KCNMA1: variants seen among roughly 807,000 people sequenced by gnomAD.
KCNMA1 encodes potassium calcium-activated channel subfamily M alpha 1.
Under a neutral mutation model 140.0 loss-of-function variants are expected in KCNMA1, and 29 were observed. That is an observed-to-expected ratio of 0.21 (90% CI 0.15 to 0.28). The LOEUF is 0.28. Ranked by LOEUF, KCNMA1 falls within the 10% of genes least tolerant of loss-of-function variation. The pLI is 1.00. For synonymous variants in KCNMA1, 612 were observed against 611.9 expected, an observed-to-expected ratio of 1.00 and a Z score of 0.00; for missense variants, 880 against 1,602.2, an observed-to-expected ratio of 0.55 and a Z score of 7.70.
At chr10:76,984,591 C>A (rs999817556) in intron 19 of KCNMA1, among the ~76,000 whole-genome samples, 25 of 152,148 alleles carry the variant, frequency 1.6e-4, no homozygotes, top group African/African-American at 6.0e-4. Flanking sequence ...TAAAAATGCC[C>A]CTCATTATCC....
chr10:77,413,336 G>C (rs908244437), intron 1 of KCNMA1, among the ~76,000 whole-genome samples: 3 of 151,978 alleles, frequency 2.0e-5, no homozygotes, highest in African/African-American at 7.2e-5. Context: ...CACCAGCCCC[G>C]AATGCTGGGG....
intron 18 of KCNMA1, among the ~76,000 whole-genome samples, chr10:77,004,931 T>A (rs1203853238): frequency 6.6e-6 from 1 of 152,206 alleles, no homozygotes; most frequent in Non-Finnish European, 1.5e-5. Flanking sequence ...AGTGCAACTT[T>A]GAAAATTTCA....
At chr10:77,278,553 A>G (rs150620890) in intron 2 of KCNMA1, among the ~76,000 whole-genome samples, 144 of 152,322 alleles carry the variant, frequency 9.5e-4, no homozygotes, top group Middle Eastern at 3.4e-3. Flanking sequence ...TGCATTTGGA[A>G]AAAAACAAGG....
intron 1 of KCNMA1, among the ~76,000 whole-genome samples, chr10:77,443,809 T>TG (rs879727583): frequency 2.0e-4 from 31 of 152,218 alleles, no homozygotes; most frequent in Non-Finnish European, 4.0e-4. Flanking sequence ...AAAATGAAAA[T>TG]AAAAATATCT....
At chr10:77,600,766 C>T (rs2082377744) in intron 1 of KCNMA1, among the ~76,000 whole-genome samples, 1 of 150,324 alleles carries the variant, frequency 6.7e-6, no homozygotes, top group Non-Finnish European at 1.5e-5. Context: ...CACACACACA[C>T]ATGCACACAC....
chr10:77,060,279 G>A (rs2095690839), intron 14 of KCNMA1, among the ~76,000 whole-genome samples: 2 of 152,170 alleles, frequency 1.3e-5, no homozygotes, highest in Non-Finnish European at 2.9e-5. Flanking sequence ...GAATACATTT[G>A]GAGGACTCAA....
At chr10:76,928,893 A>G (rs1591001126) in intron 23 of KCNMA1, among the ~76,000 whole-genome samples, 1 of 152,206 alleles carries the variant, frequency 6.6e-6, no homozygotes. Context: ...GAAAATGGAG[A>G]CAAAACAATA....
At chr10:77,628,183 T>C (rs1197343469) in intron 1 of KCNMA1, among the ~76,000 whole-genome samples, 1 of 152,228 alleles carries the variant, frequency 6.6e-6, no homozygotes, top group African/African-American at 2.4e-5. Context: ...GTAGATAATT[T>C]GGTTTACAAT....
intron 2 of KCNMA1, among the ~76,000 whole-genome samples, chr10:77,270,528 T>C (rs1600715936): frequency 6.6e-6 from 1 of 151,722 alleles, no homozygotes; most frequent in East Asian, 1.9e-4. Context: ...CTCTCTCTCT[T>C]TCTTTTTTTT....
intron 2 of KCNMA1, among the ~76,000 whole-genome samples, chr10:77,344,788 TA>T (rs2091816081): frequency 6.6e-6 from 1 of 152,160 alleles, no homozygotes; most frequent in Admixed American, 6.5e-5. Context: ...ATTGATTTAT[TA>T]TTTTTTTATA....
intron 6 of KCNMA1, among the ~76,000 whole-genome samples, chr10:77,115,675 G>C (rs2097442630): frequency 6.6e-6 from 1 of 152,196 alleles, no homozygotes; most frequent in Non-Finnish European, 1.5e-5. Flanking sequence ...TAAATATGGT[G>C]ATTACTAAAC....
intron 1 of KCNMA1, among the ~76,000 whole-genome samples, chr10:77,495,830 A>G (rs1326076618): frequency 6.6e-6 from 1 of 152,116 alleles, no homozygotes; most frequent in African/African-American, 2.4e-5. Flanking sequence ...CACACCAGGG[A>G]CTGACCCCTC....
At chr10:77,563,504 C>G (rs947289085) in intron 1 of KCNMA1, among the ~76,000 whole-genome samples, 2 of 152,168 alleles carry the variant, frequency 1.3e-5, no homozygotes, top group Non-Finnish European at 2.9e-5. Flanking sequence ...TGACTGCCCT[C>G]TGTCCCCAGA....
intron 1 of KCNMA1, among the ~76,000 whole-genome samples, chr10:77,625,383 A>G (rs1270366781): frequency 6.6e-6 from 1 of 152,164 alleles, no homozygotes; most frequent in East Asian, 1.9e-4. Context: ...TCTGCCAAAA[A>G]AAAAAGTACC....
chr10:77,471,493 C>G (rs1238102788), intron 1 of KCNMA1, among the ~76,000 whole-genome samples: 2 of 151,054 alleles, frequency 1.3e-5, no homozygotes, highest in Non-Finnish European at 3.0e-5. Context: ...GCTACACACA[C>G]ACTTCACACC....
At chr10:77,368,335 T>C (rs1173025823) in intron 2 of KCNMA1, among the ~76,000 whole-genome samples, 1 of 152,234 alleles carries the variant, frequency 6.6e-6, no homozygotes, top group African/African-American at 2.4e-5. Flanking sequence ...CATCCAAATA[T>C]CCTCTTTGAT....
intron 24 of KCNMA1, chr10:76,914,231 A>C: frequency 2.4e-5 from 22 of 924,468 alleles, no homozygotes; most frequent in Middle Eastern, 2.1e-4. Flanking sequence ...AAACATTCTC[A>C]AGTAAAGGGA....
At chr10:77,157,525 T>C (rs1306410944) in intron 5 of KCNMA1, among the ~76,000 whole-genome samples, 1 of 152,178 alleles carries the variant, frequency 6.6e-6, no homozygotes, top group Non-Finnish European at 1.5e-5. Context: ...TAAATGAATA[T>C]GTTGAGTTTT....
intron 2 of KCNMA1, among the ~76,000 whole-genome samples, chr10:77,396,482 G>C (rs1460127016): frequency 6.6e-6 from 1 of 152,178 alleles, no homozygotes; most frequent in Non-Finnish European, 1.5e-5. Flanking sequence ...TTATGTGTGT[G>C]CCCATGTGTA....
Sources: gnomAD v4.1 joint callset for allele counts (sites outside exome capture counted in the v4.1 genomes callset) on GRCh38, gnomAD v4.1.1 for gene constraint, MANE v1.5 for transcripts, NCBI Gene and HGNC (gene_info 2026-07-23, HGNC 2026-07-21) for gene names.